The following KIR2DL3 variants were observed in gnomAD, a reference collection of about 807,000 sequenced individuals.
KIR2DL3 encodes the protein killer cell immunoglobulin like receptor, two Ig domains and long cytoplasmic tail 3, also known as killer cell immunoglobulin-like receptor 2DL3.
Under a neutral mutation model 33.8 loss-of-function variants are expected in KIR2DL3, and 39 were observed. The ratio of observed to expected loss-of-function variants is 1.15; its 90% CI spans 0.89 to 1.51. The LOEUF (loss-of-function observed/expected upper bound fraction) is 1.51, where lower values mean the gene tolerates loss of function less well. Among genes scored for constraint, KIR2DL3 ranks in the 40% most tolerant of loss-of-function variants. The probability of loss-of-function intolerance (pLI) is 0.00; values close to 1 mark genes in which losing one functional copy is unlikely to be tolerated. For synonymous variants in KIR2DL3, 174 were observed against 160.2 expected, an observed-to-expected ratio of 1.09 and a Z score of -0.65; for missense variants, 462 against 426.2, an observed-to-expected ratio of 1.08 and a Z score of -0.74.
chr19:54,747,403 T>C lies in KIR2DL3; in HGVS notation c.715+18T>C. ...CGAAACCGGTGAGTACAGAACCCTC[T>C]TATATCCGCTTTTGGAAACCTGGGG... On this transcript the variant is annotated intron_variant, in intron 5 of 7. Coordinates refer to ENST00000342376, the MANE Select transcript of KIR2DL3 (RefSeq NM_015868.3). 2 of 1,609,378 alleles carry C rather than the reference T, an allele frequency of 1.2e-6. No homozygotes were observed. The highest frequency in any genetic ancestry group is 1.7e-6 in the Non-Finnish European group (2 of 1,176,014).
chr19:54,740,925 G>A (rs1478851199), intron 2 of KIR2DL3, among the ~76,000 whole-genome samples: 2 of 151,742 alleles, frequency 1.3e-5, no homozygotes, highest in Non-Finnish European at 2.9e-5. Context: ...TTTGAAGGTG[G>A]AGGAAGGCCA....
intron 1 of KIR2DL3, 60 bp from the exon 2 acceptor site, chr19:54,739,447 G>T: frequency 7.0e-7 from 1 of 1,427,090 alleles, no homozygotes; most frequent in South Asian, 1.2e-5. Flanking sequence ...CCCAGTGGGG[G>T]CAGCAAGGGA....
chr19:54,748,895 G>C (rs1374738624), intron 5 of KIR2DL3, among the ~76,000 whole-genome samples: 9 of 150,254 alleles, frequency 6.0e-5, no homozygotes, highest in African/African-American at 2.2e-4. Flanking sequence ...CCAAAGTAAT[G>C]GGACTACAGG....
At chr19:54,738,602 G>T in intron 1 of KIR2DL3, 23 bp downstream of exon 1, 2 of 1,614,020 alleles carry the variant, frequency 1.2e-6, no homozygotes, top group South Asian at 2.2e-5. Context: ...AGGGCATCGA[G>T]GGAGGGAGTG....
chr19:54,745,110 G>T (rs1177304055), intron 4 of KIR2DL3, among the ~76,000 whole-genome samples: 1 of 151,288 alleles, frequency 6.6e-6, no homozygotes, highest in East Asian at 1.9e-4. Flanking sequence ...CATCCATGTG[G>T]CTGCAAATAT....
In KIR2DL3 at chr19:54,741,886, C is replaced by A. The variant is rs2147027237; in HGVS notation, c.71-94C>A. The A allele has an allele frequency of 1.1e-5, 15 of 1,333,244 alleles. No individual in the cohort carries two copies. The South Asian group carries it at 1.3e-4, about 12-fold the overall frequency. The allele number at this position is 1,333,244 out of a possible 1,614,324, so 82.6% of individuals were successfully genotyped here. A position where few individuals can be genotyped will look rare whatever the true frequency, so the allele number is the denominator to read the frequency against. ...AAGACACAGAGAGGAAGGAGAGAGACAGACACCAGCAAGGGGAAGCCTCAC... is the reference window on the plus strand; with the variant it reads ...AAGACACAGAGAGGAAGGAGAGAGAAAGACACCAGCAAGGGGAAGCCTCAC... On this transcript the variant is annotated intron_variant, in intron 2 of 7. Transcript: ENST00000342376.
chr19:54,747,728 G>T lies in KIR2DL3; in HGVS notation c.715+343G>T, dbSNP rs200655837. 2.2e-4 allele frequency among the ~76,000 whole-genome samples: 33 copies of T among 152,302 alleles called. No homozygotes were observed. The East Asian group carries it at 3.9e-3, about 18-fold the overall frequency. On this transcript the variant is annotated intron_variant, in intron 5 of 7. Transcript: ENST00000342376. ...AGAGAGGGAAGGGAAGGGAACATCT[G>T]ATGAGGGCGAGGTGTTTTAGAGAAG... is the stretch of plus-strand genomic sequence containing the variant.
chr19:54,741,929 G>C lies in KIR2DL3; in HGVS notation c.71-51G>C, dbSNP rs1405723537. ...AGCCTCACTCATTCTAGGTGCCATG[G>C]ATGGGATGATAAAGAGAGACACCTT... On this transcript the variant is annotated intron_variant, in intron 2 of 7. Transcript: ENST00000342376. 9.5e-6 allele frequency: 14 copies of C among 1,472,528 alleles called. No homozygotes were observed. The South Asian group carries it at 1.1e-4, about 11-fold the overall frequency. 91.2% of individuals were successfully genotyped at this position (1,472,528 alleles called of 1,614,324 possible). A position where few individuals can be genotyped will look rare whatever the true frequency, so the allele number is the denominator to read the frequency against.
chr19:54,740,697 G>T (rs1189630635), intron 2 of KIR2DL3, among the ~76,000 whole-genome samples: 2 of 151,882 alleles, frequency 1.3e-5, no homozygotes, highest in Admixed American at 1.3e-4. Context: ...TGGGTGCTGT[G>T]GTGGGAAGAA....
At position 54,750,394 on chromosome 19, in the gene KIR2DL3, AG is replaced by A. The variant is rs2073234407; in HGVS notation, c.716-1254del. On this transcript the variant is annotated intron_variant, in intron 5 of 7. Coordinates refer to ENST00000342376, the MANE Select transcript of KIR2DL3 (RefSeq NM_015868.3). ...TGGTCCTTCCCCCAGCCTCTCGGGT[AG>A]AACAGCAGCCTAACATGTGTCTCCC... 1.4e-5 allele frequency among the ~76,000 whole-genome samples: 2 copies of A among 142,642 alleles called. 1 individual carries two copies. Among genetic ancestry groups the A allele is most frequent in the African/African-American group, 5.3e-5 (2 of 38,070 alleles). The allele number at this position is 142,642 out of a possible 152,430, so 93.6% of individuals were successfully genotyped here. A position where few individuals can be genotyped will look rare whatever the true frequency, so the allele number is the denominator to read the frequency against.
Position 54,752,390 on chromosome 19 carries a change from G to A in KIR2DL3, c.897G>A (p.Gln299=), listed in dbSNP as rs1477947417. The part of the protein sequence containing the change: ...NREDSDEQDP[Q]EVTYAQLNHC... The stretch of plus-strand genomic sequence containing the variant: ...AGGACTCTGATGAACAAGACCCTCA[G>A]GAGGTGACATATGCACAGTTGAATC... Residue 299 remains glutamine (Q), a synonymous_variant, in exon 8 of 8, where the codon CAG becomes CAA. Coordinates refer to ENST00000342376, the MANE Select transcript of KIR2DL3 (RefSeq NM_015868.3). The A allele has an allele frequency of 1.4e-6, 2 of 1,471,392 alleles. No individual in the cohort carries two copies. The highest frequency in any genetic ancestry group is 9.3e-7 in the Non-Finnish European group (1 of 1,080,940). The allele number at this position is 1,471,392 out of a possible 1,614,324, so 91.1% of individuals were successfully genotyped here. A position where few individuals can be genotyped will look rare whatever the true frequency, so the allele number is the denominator to read the frequency against.
At chr19:54,739,829 C>T (rs1185093159) in intron 2 of KIR2DL3, among the ~76,000 whole-genome samples, 3 of 152,184 alleles carry the variant, frequency 2.0e-5, no homozygotes, top group Admixed American at 6.5e-5. Flanking sequence ...CACACTTCAG[C>T]GTTTCCATGA....
chr19:54,741,211 T>A (rs13344702), intron 2 of KIR2DL3, among the ~76,000 whole-genome samples: 2 of 133,658 alleles, frequency 1.5e-5, no homozygotes, highest in Non-Finnish European at 1.7e-5. Flanking sequence ...TGGTGGCAGG[T>A]GCATGTAATC....
At position 54,743,885 on chromosome 19, in the gene KIR2DL3, C is replaced by T. The variant is rs1425241822; in HGVS notation, c.461C>T (p.Ser154Phe). The part of the protein sequence containing the change: ...SVTLSCSSRS[S>F]YDMYHLSREG... ...ACCTTGTCCTGCAGCTCCCGGAGCTCCTATGACATGTACCATCTATCCAGG... is the reference window on the plus strand; with the variant it reads ...ACCTTGTCCTGCAGCTCCCGGAGCTTCTATGACATGTACCATCTATCCAGG... The change falls in exon 4 of 8, where the codon TCC becomes TTC. Residue 154 changes from serine (S) to phenylalanine (F), a missense_variant. By Grantham distance (155) the Ser-to-Phe change is radical. Transcript: ENST00000342376. The T allele has an allele frequency of 1.9e-6, 3 of 1,614,040 alleles. No individual in the cohort carries two copies. The highest frequency in any genetic ancestry group is 2.5e-6 in the Non-Finnish European group (3 of 1,179,982).
Position 54,742,071 on chromosome 19 carries a change from G to A in KIR2DL3, c.162G>A (p.Arg54=), listed in dbSNP as rs764971058. 2.5e-6 allele frequency: 4 copies of A among 1,613,602 alleles called. No individual in the cohort carries two copies. The highest frequency in any genetic ancestry group is 3.4e-6 in the Non-Finnish European group (4 of 1,179,806). Residue 54 remains arginine (R), a synonymous_variant, in exon 3 of 8, where the codon AGG becomes AGA. Transcript: ENST00000342376. Reference sequence around the variant, plus strand: ...TCCTGCAATGTTGGTCAGATGTCAGGTTTCAGCACTTCCTTCTGCACAGAG... The same window carrying A: ...TCCTGCAATGTTGGTCAGATGTCAGATTTCAGCACTTCCTTCTGCACAGAG... The part of the protein sequence containing the change: ...TVILQCWSDV[R]FQHFLLHREG...
chr19:54,746,919 T>C lies in KIR2DL3; in HGVS notation c.665-416T>C, dbSNP rs2072593187. On this transcript the variant is annotated intron_variant, in intron 4 of 7. Transcript: ENST00000342376. ...ATTGATTGAACCCAGGAGGCTGTGGTGGCAGTGAACCGAGATTGCACCTCT... is the reference window on the plus strand; with the variant it reads ...ATTGATTGAACCCAGGAGGCTGTGGCGGCAGTGAACCGAGATTGCACCTCT... Among the ~76,000 whole-genome samples, 3 of 147,994 alleles carry C rather than the reference T, an allele frequency of 2.0e-5. No homozygotes were observed. The South Asian group carries it at 6.7e-4, about 33-fold the overall frequency.
intron 1 of KIR2DL3, among the ~76,000 whole-genome samples, chr19:54,738,856 G>A (rs1407603555): frequency 8.9e-6 from 1 of 112,640 alleles, no homozygotes; most frequent in South Asian, 3.2e-4. Flanking sequence ...GCCTGCAGTA[G>A]AGATAGGGGC....
chr19:54,750,723 C>G (rs2073292981), intron 5 of KIR2DL3, among the ~76,000 whole-genome samples: 1 of 139,368 alleles, frequency 7.2e-6, no homozygotes, highest in Non-Finnish European at 1.6e-5. Context: ...ACAGAGAATA[C>G]ATTACACAGG....
rs1600397411 is a variant in KIR2DL3 at position 54,745,708 on chromosome 19, G to A, written c.664+1620G>A. 2.6e-5 allele frequency among the ~76,000 whole-genome samples: 4 copies of A among 151,530 alleles called. 2 individuals are homozygous for A. The South Asian group carries it at 8.4e-4, about 32-fold the overall frequency. On this transcript the variant is annotated intron_variant, in intron 4 of 7. Transcript: ENST00000342376. ...GACTTCCACACTTTTCTCCGTAAAG[G>A]CTGTACTAATTTACACTCCTACCAA... is the stretch of plus-strand genomic sequence containing the variant.
Sources: allele counts gnomAD v4.1 joint callset (sites outside exome capture counted in the v4.1 genomes callset), GRCh38; gene constraint gnomAD v4.1.1; transcripts MANE v1.5; gene names NCBI Gene and HGNC (gene_info 2026-07-23, HGNC 2026-07-21).